ACBD6: variants seen among roughly 807,000 people sequenced by gnomAD.
ACBD6 encodes acyl-CoA-binding domain-containing protein 6.
A neutral mutation model predicts 37.2 loss-of-function variants in ACBD6; 28 were observed. The observed-to-expected ratio is 0.75, with a 90% CI of 0.56 to 1.03. ACBD6 has a LOEUF of 1.03. ACBD6 is among the 50% of genes least tolerant of loss of function. The probability of loss-of-function intolerance (pLI) is 0.00; values close to 1 mark genes in which losing one functional copy is unlikely to be tolerated. For missense variants in ACBD6, 340 were observed against 337.4 expected, an observed-to-expected ratio of 1.01 and a Z score of -0.06; for synonymous variants, 113 against 126.8, an observed-to-expected ratio of 0.89 and a Z score of 0.73.
At chr1:180,273,896 A>G (rs1475886641) in intron 11 of ACBD6, 1 of 458,100 alleles carries the variant, frequency 2.2e-6, no homozygotes, top group African/African-American at 2.0e-5. Context: ...CAGTGTAGCC[A>G]GAGTATTAGT....
At chr1:180,278,447 C>T (rs1649173309) in intron 9 of ACBD6, 1 of 152,116 alleles carries the variant, frequency 6.6e-6, no homozygotes, top group South Asian at 2.1e-4. Flanking sequence ...AAAGCCATCC[C>T]ATCCACACTC....
At chr1:180,437,299 C>T (rs562736828) in intron 3 of ACBD6, among the ~76,000 whole-genome samples, 3 of 152,276 alleles carry the variant, frequency 2.0e-5, no homozygotes, top group East Asian at 3.9e-4. Context: ...GAGACCGGGG[C>T]TTGTGACTGG....
At position 180,349,803 on chromosome 1, in the gene ACBD6, A is replaced by G. The variant is rs1652336396; in HGVS notation, c.664-35081T>C. Among the ~76,000 whole-genome samples the G allele has an allele frequency of 4.6e-5, 7 of 152,148 alleles. No homozygotes were observed. In the South Asian group the frequency reaches 1.2e-3, roughly 27 times the overall value. On this transcript the variant is annotated intron_variant, in intron 6 of 7. Transcript: ENST00000367595. ...TTCTATCCTGCATAGAGTTTTTATT[A>G]ATGTTTCAAATCCTCTTTGGTTTTT... is the stretch of plus-strand genomic sequence containing the variant.
chr1:180,449,434 G>T (rs1488489257), intron 3 of ACBD6, among the ~76,000 whole-genome samples: 1 of 139,942 alleles, frequency 7.1e-6, no homozygotes, highest in Non-Finnish European at 1.5e-5. Flanking sequence ...TTTTGAGACA[G>T]AGTCTCACTC....
chr1:180,390,274 G>T (rs1195902494), intron 6 of ACBD6, among the ~76,000 whole-genome samples: 2 of 150,012 alleles, frequency 1.3e-5, no homozygotes, highest in Non-Finnish European at 3.0e-5. Flanking sequence ...TTTCCCCATT[G>T]CTTGTTTTTC....
chr1:180,484,745 CATAT>C (rs747267415), intron 3 of ACBD6, among the ~76,000 whole-genome samples: 24 of 152,018 alleles, frequency 1.6e-4, no homozygotes, highest in Admixed American at 1.2e-3. Flanking sequence ...CGTATACATA[CATAT>C]GTTATGTATG....
At chr1:180,404,490 C>G (rs1424571322) in intron 5 of ACBD6, among the ~76,000 whole-genome samples, 1 of 152,066 alleles carries the variant, frequency 6.6e-6, no homozygotes, top group Non-Finnish European at 1.5e-5. Flanking sequence ...CAGAGTCTCA[C>G]TTTGTCGCCC....
chr1:180,310,061 C>A (rs1410663121), intron 7 of ACBD6, among the ~76,000 whole-genome samples: 2 of 152,074 alleles, frequency 1.3e-5, no homozygotes, highest in African/African-American at 2.4e-5. Flanking sequence ...CTTAGGCAAG[C>A]TTGTTAATCT....
intron 3 of ACBD6, among the ~76,000 whole-genome samples, chr1:180,444,199 C>T (rs1451512212): frequency 1.3e-5 from 2 of 149,936 alleles, no homozygotes; most frequent in Non-Finnish European, 3.0e-5. Context: ...CATAAACAGA[C>T]ATAATGAATA....
intron 6 of ACBD6, among the ~76,000 whole-genome samples, chr1:180,385,044 G>C (rs541302301): frequency 6.6e-6 from 1 of 152,150 alleles, no homozygotes; most frequent in Non-Finnish European, 1.5e-5. Flanking sequence ...TTGATCAATA[G>C]GTATAAACAT....
intron 6 of ACBD6, among the ~76,000 whole-genome samples, chr1:180,376,794 C>G (rs554436627): frequency 1.3e-5 from 2 of 152,090 alleles, no homozygotes; most frequent in African/African-American, 4.8e-5. Context: ...TCTATTTATA[C>G]GCCTCTGATG....
intron 3 of ACBD6, among the ~76,000 whole-genome samples, chr1:180,441,865 GTTTC>G (rs761949721): frequency 1.5e-4 from 23 of 152,036 alleles, no homozygotes; most frequent in Non-Finnish European, 2.8e-4. Flanking sequence ...TTTGGATGCT[GTTTC>G]TTTATTTTTC....
At chr1:180,320,491 T>C (rs1056774570) in intron 6 of ACBD6, among the ~76,000 whole-genome samples, 25 of 151,916 alleles carry the variant, frequency 1.6e-4, no homozygotes, top group African/African-American at 5.3e-4. Context: ...ATAAAAAAAT[T>C]AGCCACGCAC....
At chr1:180,308,875 T>C (rs933420232) in intron 7 of ACBD6, among the ~76,000 whole-genome samples, 6 of 152,238 alleles carry the variant, frequency 3.9e-5, no homozygotes, top group African/African-American at 1.4e-4. Context: ...GAATGTTTGA[T>C]GTATTTTATC....
chr1:180,443,779 ATTTTT>A (rs71121019), intron 3 of ACBD6, among the ~76,000 whole-genome samples: 1 of 134,102 alleles, frequency 7.5e-6, no homozygotes, highest in South Asian at 2.4e-4. Flanking sequence ...CGCCCAGCTA[ATTTTT>A]TTTTTTTTTT....
chr1:180,500,271 T>C (rs758994875), intron 1 of ACBD6, among the ~76,000 whole-genome samples: 10 of 152,126 alleles, frequency 6.6e-5, no homozygotes, highest in Middle Eastern at 6.3e-3. Context: ...CAAAATAGGC[T>C]ATTATCCAGA....
intron 3 of ACBD6, among the ~76,000 whole-genome samples, chr1:180,447,611 C>T (rs567927541): frequency 2.0e-4 from 30 of 152,208 alleles, no homozygotes; most frequent in African/African-American, 6.3e-4. Flanking sequence ...TGGAAAACTA[C>T]CTTCAGGTTA....
intron 6 of ACBD6, among the ~76,000 whole-genome samples, chr1:180,316,077 C>T (rs1463741911): frequency 6.6e-6 from 1 of 152,010 alleles, no homozygotes; most frequent in Non-Finnish European, 1.5e-5. Flanking sequence ...TCTTGCTCCC[C>T]TTTGACCTGC....
At chr1:180,412,622 T>G (rs934356524) in intron 5 of ACBD6, among the ~76,000 whole-genome samples, 2 of 152,028 alleles carry the variant, frequency 1.3e-5, no homozygotes, top group Non-Finnish European at 2.9e-5. Context: ...TCCCAAAACT[T>G]TGGGAAGCTG....
Sources: allele counts gnomAD v4.1 joint callset (sites outside exome capture counted in the v4.1 genomes callset), GRCh38; gene constraint gnomAD v4.1.1; transcripts MANE v1.5; gene names NCBI Gene and HGNC (gene_info 2026-07-23, HGNC 2026-07-21).